The following ABAT variants were observed in gnomAD, a reference collection of about 807,000 sequenced individuals.
ABAT encodes the protein 4-aminobutyrate aminotransferase, mitochondrial.
A neutral mutation model predicts 64.6 loss-of-function variants in ABAT; 45 were observed. The ratio of observed to expected loss-of-function variants is 0.70; its 90% CI spans 0.55 to 0.89. The LOEUF is 0.89. Ranked by LOEUF, ABAT falls within the 40% of genes least tolerant of loss-of-function variation. The probability of loss-of-function intolerance (pLI) is 0.00; values close to 1 mark genes in which losing one functional copy is unlikely to be tolerated. For synonymous variants in ABAT, 297 were observed against 250.5 expected (o/e 1.19, Z -1.75); for missense variants, 633 against 658.4 (o/e 0.96, Z 0.42).
chr16:8,774,446 A>G (rs973972665), intron 12 of ABAT, among the ~76,000 whole-genome samples: 2 of 152,110 alleles, frequency 1.3e-5, no homozygotes, highest in Non-Finnish European at 2.9e-5. Flanking sequence ...GATAAAAGTT[A>G]TAAGACGTGA....
In ABAT at chr16:8,752,811, C is replaced by A. The variant is rs183939719; in HGVS notation, c.316+2272C>A. On this transcript the variant is annotated intron_variant, in intron 5 of 15. Coordinates refer to ENST00000268251, the MANE Select transcript of ABAT (RefSeq NM_020686.6). ...AAAAATTCTAGAAGTTCTAAAAGTTCTCTCTCTGGCCACCTGTCCTCCCGT... is the reference window on the plus strand; with the variant it reads ...AAAAATTCTAGAAGTTCTAAAAGTTATCTCTCTGGCCACCTGTCCTCCCGT... 2.4e-4 allele frequency among the ~76,000 whole-genome samples: 36 copies of A among 152,322 alleles called. 1 individual carries two copies. Among genetic ancestry groups the A allele is most frequent in the Middle Eastern group, 6.8e-3 (2 of 294 alleles).
chr16:8,726,115 T>C (rs1567287823), intron 1 of ABAT, among the ~76,000 whole-genome samples: 1 of 152,284 alleles, frequency 6.6e-6, no homozygotes, highest in African/African-American at 2.4e-5. Flanking sequence ...ACCATCCTTC[T>C]ACTCTCTATG....
At chr16:8,748,859 T>C (rs1365993911) in intron 4 of ABAT, among the ~76,000 whole-genome samples, 2 of 152,176 alleles carry the variant, frequency 1.3e-5, no homozygotes, top group African/African-American at 4.8e-5. Context: ...GCTGTGTGCA[T>C]CAGATTCCTT....
intron 9 of ABAT, among the ~76,000 whole-genome samples, chr16:8,766,838 G>A (rs1490065608): frequency 1.3e-5 from 2 of 151,222 alleles, no homozygotes; most frequent in Admixed American, 6.6e-5. Context: ...ATGTGGTGGC[G>A]GGTACCTGTA....
intron 1 of ABAT, among the ~76,000 whole-genome samples, chr16:8,677,102 G>A (rs1180768731): frequency 6.6e-5 from 10 of 152,196 alleles, no homozygotes; most frequent in East Asian, 1.9e-4. Flanking sequence ...TATCTGGGTC[G>A]AGAGCACAAA....
chr16:8,781,275 A>G lies in ABAT; in HGVS notation c.1382-34A>G. On this transcript the variant is annotated intron_variant, in intron 15 of 15. Transcript: ENST00000268251. The surrounding 1 kb of genome is among the most constrained non-coding windows in gnomAD (Gnocchi z 4.5). ...CTCTCCCAGCATGTGACTTTGAGAA[A>G]CCACGCTCCTCACCTACCTCCTGCC... The G allele has an allele frequency of 6.2e-7, 1 of 1,613,388 alleles. No homozygotes were observed. The highest frequency in any genetic ancestry group is 8.5e-7 in the Non-Finnish European group (1 of 1,179,832).
intron 11 of ABAT, among the ~76,000 whole-genome samples, chr16:8,770,463 G>A (rs2060074729): frequency 6.6e-6 from 1 of 150,964 alleles, no homozygotes; most frequent in African/African-American, 2.4e-5. Flanking sequence ...GTTTGAGACA[G>A]GGTCTCACTC....
chr16:8,708,712 C>G (rs1048837659), intron 1 of ABAT, among the ~76,000 whole-genome samples: 1 of 152,200 alleles, frequency 6.6e-6, no homozygotes, highest in Non-Finnish European at 1.5e-5. Context: ...TTGGCAAGAA[C>G]AGGAGAAGCC....
intron 1 of ABAT, among the ~76,000 whole-genome samples, chr16:8,681,030 G>C (rs541780521): frequency 1.4e-3 from 210 of 150,486 alleles, no homozygotes; most frequent in African/African-American, 5.0e-3. Flanking sequence ...CACCCAAGCT[G>C]GAGTGCAGTG....
Position 8,764,892 on chromosome 16 carries a change from C to T in ABAT, c.540+62C>T, listed in dbSNP as rs910548156. On this transcript the variant is annotated intron_variant, in intron 8 of 15. Transcript: ENST00000268251. This position sits in a 1 kb window ranked among gnomAD's most constrained non-coding sequence, Gnocchi z 4.2. ...GCTCCCCAGCACCCAGCCACACGCTCACCCCTTGTCTGACTGTTCATTCCA... is the reference window on the plus strand; with the variant it reads ...GCTCCCCAGCACCCAGCCACACGCTTACCCCTTGTCTGACTGTTCATTCCA... 1.6e-5 allele frequency: 23 copies of T among 1,420,050 alleles called. No individual in the cohort carries two copies. In the Admixed American group the frequency reaches 3.4e-4, roughly 21 times the overall value. 88.0% of individuals were successfully genotyped at this position (1,420,050 alleles called of 1,614,324 possible).
intron 1 of ABAT, among the ~76,000 whole-genome samples, chr16:8,732,518 C>T (rs1160069855): frequency 5.3e-5 from 8 of 151,530 alleles, no homozygotes; most frequent in Admixed American, 3.3e-4. Context: ...GCACATGTTT[C>T]AGAGAGCACG....
chr16:8,739,033 T>C (rs1301420448), intron 2 of ABAT, among the ~76,000 whole-genome samples: 1 of 152,224 alleles, frequency 6.6e-6, no homozygotes, highest in Non-Finnish European at 1.5e-5. Context: ...GATGTAGGTA[T>C]GGAGGGTTCC....
chr16:8,749,186 C>G (rs2059410364), intron 4 of ABAT, among the ~76,000 whole-genome samples: 1 of 150,834 alleles, frequency 6.6e-6, no homozygotes. Flanking sequence ...CTTCCGGTTT[C>G]AAACAATTCT....
At chr16:8,747,050 G>A (rs1487491100) in intron 3 of ABAT, among the ~76,000 whole-genome samples, 4 of 152,212 alleles carry the variant, frequency 2.6e-5, no homozygotes, top group African/African-American at 9.6e-5. Context: ...TGGCAAAGGT[G>A]TACAAAAGCA....
At position 8,764,208 on chromosome 16, in the gene ABAT, A is replaced by G; in HGVS notation, c.447+59A>G. ...GACGTGGTACTGGCAGGGGAAGGGA[A>G]AAGTGGAGACGCCAACAATGAAGAA... On this transcript the variant is annotated intron_variant, in intron 7 of 15. Transcript: ENST00000268251. The surrounding 1 kb of genome is among the most constrained non-coding windows in gnomAD (Gnocchi z 4.2). 8.6e-6 allele frequency: 12 copies of G among 1,398,382 alleles called. No individual in the cohort carries two copies. The highest frequency in any genetic ancestry group is 1.7e-5 in the Admixed American group (1 of 59,580). 86.6% of individuals were successfully genotyped at this position (1,398,382 alleles called of 1,614,324 possible).
chr16:8,726,262 CTTTTTT>C (rs71152921), intron 1 of ABAT, among the ~76,000 whole-genome samples: 8 of 120,818 alleles, frequency 6.6e-5, no homozygotes, highest in Admixed American at 2.0e-4. Context: ...ATGACTAGAT[CTTTTTT>C]TTTTTTTTTT....
At position 8,782,028 on chromosome 16, in the gene ABAT, T is replaced by G; in HGVS notation, c.*598T>G. 6.0e-6 allele frequency: 1 copy of G among 167,798 alleles called. No homozygotes were observed. The highest frequency in any genetic ancestry group is 1.3e-5 in the Non-Finnish European group (1 of 76,350). 10.4% of individuals were successfully genotyped at this position (167,798 alleles called of 1,614,324 possible). On this transcript the variant is annotated 3_prime_UTR_variant, in exon 16 of 16. Coordinates refer to ENST00000268251, the MANE Select transcript of ABAT (RefSeq NM_020686.6). Reference sequence around the variant, plus strand: ...TAAGGGAAGAGGTCCTCTGGCCCCCTGAAGATGAGAATCACCCCTCTCAGT... The same window carrying G: ...TAAGGGAAGAGGTCCTCTGGCCCCCGGAAGATGAGAATCACCCCTCTCAGT...
rs1164658456 is a variant in ABAT, at chr16:8,730,236, G to C, written c.-41-5463G>C. 2.0e-5 allele frequency among the ~76,000 whole-genome samples: 3 copies of C among 152,138 alleles called. No individual in the cohort carries two copies. In the East Asian group the frequency reaches 5.8e-4, roughly 29 times the overall value. ...CTCTAATTGATCTTTATGTGCCCTA[G>C]TGCCCAGTGAAGGGTCTGGCACACG... On this transcript the variant is annotated intron_variant, in intron 1 of 15. Coordinates refer to ENST00000268251, the MANE Select transcript of ABAT (RefSeq NM_020686.6).
At chr16:8,727,636 T>G (rs2058597260) in intron 1 of ABAT, among the ~76,000 whole-genome samples, 1 of 152,218 alleles carries the variant, frequency 6.6e-6, no homozygotes, top group Non-Finnish European at 1.5e-5. Flanking sequence ...GCTGAGTTAT[T>G]TTAAGAAAGT....
Sources: gnomAD v4.1 joint callset for allele counts (sites outside exome capture counted in the v4.1 genomes callset) on GRCh38, gnomAD v4.1.1 for gene constraint, Gnocchi (gnomAD v3.1) non-coding constraint, MANE v1.5 for transcripts, NCBI Gene and HGNC (gene_info 2026-07-23, HGNC 2026-07-21) for gene names.